HNF4G: variants seen among roughly 807,000 people sequenced by gnomAD.
The protein encoded by HNF4G is hepatocyte nuclear factor 4-gamma.
A neutral mutation model predicts 50.9 loss-of-function variants in HNF4G; 21 were observed. The observed-to-expected ratio is 0.41, with a 90% CI of 0.29 to 0.59. The LOEUF is 0.59. Among genes scored for constraint, HNF4G ranks in the 20% least tolerant of loss-of-function variants. HNF4G has a pLI of 0.26. For missense variants in HNF4G, 527 were observed against 559.4 expected, an observed-to-expected ratio of 0.94 and a Z score of 0.58; for synonymous variants, 198 against 185.6, an observed-to-expected ratio of 1.07 and a Z score of -0.54.
rs1448900821 is a variant in HNF4G, at chr8:75,471,824, G to C, written c.-143-18265G>C. ...TCCCAATGTTGTGAGGATTAATTAA[G>C]GTGAAATTGGGGAAACCTTAAAAGA... On this transcript the variant is annotated intron_variant, in intron 1 of 10. Transcript: ENST00000354370. 2.6e-5 allele frequency among the ~76,000 whole-genome samples: 4 copies of C among 152,108 alleles called. No homozygotes were observed. The East Asian group carries it at 7.7e-4, about 29-fold the overall frequency.
chr8:75,412,098 T>A (rs1244481721), intron 1 of HNF4G, among the ~76,000 whole-genome samples: 1 of 152,228 alleles, frequency 6.6e-6, no homozygotes, highest in African/African-American at 2.4e-5. Flanking sequence ...AAAGTACTTA[T>A]AACTTCAGAA....
upstream of HNF4G, among the ~76,000 whole-genome samples, chr8:75,538,922 A>G (rs994880997): frequency 7.2e-5 from 11 of 152,218 alleles, no homozygotes; most frequent in East Asian, 1.9e-4. Flanking sequence ...CTTTTCTGCA[A>G]TCTTTAACAA....
At chr8:75,454,052 TCCCTCCCTCCCTCTCTTCCTTTCTCC>T (rs1811656175) in intron 1 of HNF4G, among the ~76,000 whole-genome samples, 4 of 143,658 alleles carry the variant, frequency 2.8e-5, no homozygotes, top group African/African-American at 7.9e-5. Flanking sequence ...TCTCTCTCTC[TCCCTCCCTCCCTCTCTTCCTTTCTCC>T]CTCCCTCCCT....
intron 2 of HNF4G, among the ~76,000 whole-genome samples, chr8:75,507,005 C>T (rs564703655): frequency 3.3e-5 from 5 of 151,908 alleles, no homozygotes; most frequent in African/African-American, 7.2e-5. Flanking sequence ...TATAGGTTTA[C>T]GAAAAGAACA....
At chr8:75,469,478 T>C (rs762295225) in intron 1 of HNF4G, among the ~76,000 whole-genome samples, 3 of 152,206 alleles carry the variant, frequency 2.0e-5, no homozygotes, top group Non-Finnish European at 4.4e-5. Context: ...CTTTCTCAGA[T>C]GATTTTTTTA....
chr8:75,534,094 C>T (rs560967754), intron 2 of HNF4G, among the ~76,000 whole-genome samples: 156 of 151,960 alleles, frequency 1.0e-3, no homozygotes, highest in Non-Finnish European at 1.8e-3. Flanking sequence ...TGATAACTTC[C>T]TTCCCTTCAT....
At chr8:75,469,154 T>TC (rs1007819183) in intron 1 of HNF4G, among the ~76,000 whole-genome samples, 8 of 152,104 alleles carry the variant, frequency 5.3e-5, no homozygotes, top group African/African-American at 1.9e-4. Flanking sequence ...TATTGGAAAA[T>TC]CTTTTTTTTT....
intron 1 of HNF4G, among the ~76,000 whole-genome samples, chr8:75,417,960 TACACACACAC>T (rs144672882): frequency 6.7e-6 from 1 of 148,766 alleles, no homozygotes; most frequent in Admixed American, 6.7e-5. Flanking sequence ...TGTGTGTGTC[TACACACACAC>T]ACACACACAC....
At chr8:75,523,613 T>C (rs1585920470) in intron 2 of HNF4G, among the ~76,000 whole-genome samples, 1 of 152,200 alleles carries the variant, frequency 6.6e-6, no homozygotes, top group African/African-American at 2.4e-5. Flanking sequence ...GGGAAACTGG[T>C]ATGTGTAATA....
intron 1 of HNF4G, among the ~76,000 whole-genome samples, chr8:75,476,517 T>C (rs934822347): frequency 2.6e-5 from 4 of 152,242 alleles, no homozygotes; most frequent in Non-Finnish European, 5.9e-5. Flanking sequence ...CAGGTTAATG[T>C]TTCTTTTTGC....
chr8:75,533,082 A>G (rs1046032348), intron 2 of HNF4G, among the ~76,000 whole-genome samples: 5 of 152,030 alleles, frequency 3.3e-5, no homozygotes, highest in African/African-American at 1.2e-4. Context: ...CATTTGACAC[A>G]TAAAATGTAC....
chr8:75,558,468 G>A, intron 6 of HNF4G, 50 bp from the exon 7 acceptor site: 1 of 1,557,368 alleles, frequency 6.4e-7, no homozygotes, highest in Non-Finnish European at 8.7e-7. Context: ...GACAATTTGG[G>A]GAGACAGGTG....
intron 8 of HNF4G, among the ~76,000 whole-genome samples, chr8:75,559,653 G>C (rs1412368652): frequency 6.6e-6 from 1 of 151,958 alleles, no homozygotes; most frequent in Non-Finnish European, 1.5e-5. Flanking sequence ...TCCAAACATG[G>C]CAAAGAGAAA....
At chr8:75,443,939 T>C (rs1474232106) in intron 1 of HNF4G, among the ~76,000 whole-genome samples, 3 of 152,014 alleles carry the variant, frequency 2.0e-5, no homozygotes, top group African/African-American at 7.2e-5. Context: ...CTATAATAAT[T>C]AAAGCTCTAT....
intron 1 of HNF4G, among the ~76,000 whole-genome samples, chr8:75,543,129 C>G (rs1806677367): frequency 6.6e-6 from 1 of 152,210 alleles, no homozygotes; most frequent in African/African-American, 2.4e-5. Flanking sequence ...ATCACTTGAA[C>G]CTGGGAGGCA....
At chr8:75,505,971 T>C (rs969409865) in intron 2 of HNF4G, among the ~76,000 whole-genome samples, 4 of 152,034 alleles carry the variant, frequency 2.6e-5, no homozygotes, top group African/African-American at 9.7e-5. Flanking sequence ...TCAAGATTCT[T>C]GGGAGCAAAA....
At chr8:75,453,470 G>C (rs1022776291) in intron 1 of HNF4G, among the ~76,000 whole-genome samples, 3 of 152,146 alleles carry the variant, frequency 2.0e-5, no homozygotes, top group Non-Finnish European at 4.4e-5. Flanking sequence ...CATGGGTGGG[G>C]ACAAATAAGG....
At chr8:75,491,225 G>A (rs1812621283) in intron 2 of HNF4G, among the ~76,000 whole-genome samples, 1 of 152,130 alleles carries the variant, frequency 6.6e-6, no homozygotes, top group Admixed American at 6.5e-5. Context: ...TATTTGGAGT[G>A]TTAGAACGGG....
intron 9 of HNF4G, among the ~76,000 whole-genome samples, chr8:75,560,759 G>A (rs1013316363): frequency 8.5e-5 from 13 of 152,120 alleles, no homozygotes; most frequent in Admixed American, 6.6e-4. Flanking sequence ...CCATAAAAAC[G>A]ACAATGCAAG....
Sources: gnomAD v4.1 joint callset for allele counts (sites outside exome capture counted in the v4.1 genomes callset) on GRCh38, gnomAD v4.1.1 for gene constraint, MANE v1.5 for transcripts, NCBI Gene and HGNC (gene_info 2026-07-23, HGNC 2026-07-21) for gene names.